The following THSD7A variants were observed in gnomAD, a reference collection of about 807,000 sequenced individuals.
The protein encoded by THSD7A is thrombospondin type-1 domain-containing protein 7A.
Under a neutral mutation model 231.3 loss-of-function variants are expected in THSD7A, and 96 were observed. The observed-to-expected ratio is 0.41, with a 90% CI of 0.35 to 0.49. THSD7A has a LOEUF of 0.49. Ranked by LOEUF, THSD7A falls within the 20% of genes least tolerant of loss-of-function variation. THSD7A has a pLI of 0.05. For synonymous variants in THSD7A, 940 were observed against 743.3 expected, an observed-to-expected ratio of 1.26 and a Z score of -4.30; for missense variants, 2,290 against 2,070.2, an observed-to-expected ratio of 1.11 and a Z score of -2.06.
chr7:11,449,458 T>TCTGGCAAACACA (rs1341328747), intron 11 of THSD7A, among the ~76,000 whole-genome samples: 1 of 152,066 alleles, frequency 6.6e-6, no homozygotes, highest in Non-Finnish European at 1.5e-5. Flanking sequence ...CAGGAAGGGT[T>TCTGGCAAACACA]CTGGCAAACA....
intron 7 of THSD7A, among the ~76,000 whole-genome samples, chr7:11,478,180 T>C (rs1432886065): frequency 2.6e-5 from 4 of 152,226 alleles, no homozygotes; most frequent in African/African-American, 9.6e-5. Context: ...TCTTCATTAC[T>C]CTGCTCATGA....
chr7:11,509,798 G>A (rs62435211), intron 6 of THSD7A, among the ~76,000 whole-genome samples: 3,455 of 56,762 alleles, frequency 0.061, 78 homozygotes, highest in Non-Finnish European at 0.11. Flanking sequence ...CTCCAGCCTG[G>A]GCGACAGAGC....
At chr7:11,399,412 G>C (rs765312820) in intron 23 of THSD7A, among the ~76,000 whole-genome samples, 30 of 151,776 alleles carry the variant, frequency 2.0e-4, no homozygotes, top group Middle Eastern at 3.4e-3. Flanking sequence ...GCCATGAGCT[G>C]GTCTATTTTG....
intron 23 of THSD7A, among the ~76,000 whole-genome samples, chr7:11,383,070 C>T (rs907871550): frequency 2.6e-5 from 4 of 151,784 alleles, no homozygotes; most frequent in African/African-American, 9.7e-5. Flanking sequence ...CCCTGTCTGT[C>T]CAGCAATACA....
At chr7:11,387,517 A>G (rs1174992325) in intron 23 of THSD7A, among the ~76,000 whole-genome samples, 1 of 151,858 alleles carries the variant, frequency 6.6e-6, no homozygotes, top group African/African-American at 2.4e-5. Context: ...TTTTTCTGTT[A>G]TTGGTTTATA....
intron 2 of THSD7A, among the ~76,000 whole-genome samples, chr7:11,615,014 C>T (rs370349495): frequency 6.6e-6 from 1 of 152,302 alleles, no homozygotes; most frequent in East Asian, 1.9e-4. Flanking sequence ...AAGGAGGGAA[C>T]TGATTATGGC....
At chr7:11,666,656 T>C (rs148054530) in intron 1 of THSD7A, among the ~76,000 whole-genome samples, 21 of 142,646 alleles carry the variant, frequency 1.5e-4, no homozygotes, top group African/African-American at 5.7e-4. Flanking sequence ...TACAGTATAC[T>C]GCTTCAGTGA....
intron 1 of THSD7A, among the ~76,000 whole-genome samples, chr7:11,730,302 G>A (rs1421259506): frequency 6.6e-6 from 1 of 151,458 alleles, no homozygotes; most frequent in Non-Finnish European, 1.5e-5. Context: ...TAATATTCTT[G>A]TAATTTACAT....
At chr7:11,803,330 T>A (rs1583303666) in intron 1 of THSD7A, among the ~76,000 whole-genome samples, 1 of 152,134 alleles carries the variant, frequency 6.6e-6, no homozygotes, top group Non-Finnish European at 1.5e-5. Context: ...GTAAGCAAAG[T>A]CACATGTGAT....
intron 7 of THSD7A, among the ~76,000 whole-genome samples, chr7:11,476,739 T>C (rs11765229): frequency 0.41 from 61,857 of 149,266 alleles, 13,047 homozygotes; most frequent in Admixed American, 0.5. Flanking sequence ...CGCTTGAGCC[T>C]GGGAGGTGGA....
intron 7 of THSD7A, among the ~76,000 whole-genome samples, chr7:11,480,842 C>A (rs1042786310): frequency 2.6e-5 from 4 of 152,040 alleles, no homozygotes; most frequent in Admixed American, 2.6e-4. Flanking sequence ...ACACAAAACT[C>A]CCCCCAAATC....
At chr7:11,565,440 T>C (rs1396088925) in intron 4 of THSD7A, among the ~76,000 whole-genome samples, 2 of 152,226 alleles carry the variant, frequency 1.3e-5, no homozygotes, top group Non-Finnish European at 2.9e-5. Flanking sequence ...GATGCTCTGT[T>C]GTCATGCGAA....
chr7:11,567,611 C>A (rs1361766792), intron 4 of THSD7A, among the ~76,000 whole-genome samples: 1 of 152,118 alleles, frequency 6.6e-6, no homozygotes, highest in African/African-American at 2.4e-5. Context: ...TTAAAACTAC[C>A]GATAGCTGGA....
intron 1 of THSD7A, among the ~76,000 whole-genome samples, chr7:11,651,479 TCTATCAA>T (rs1278891757): frequency 5.9e-5 from 8 of 134,750 alleles, no homozygotes; most frequent in African/African-American, 2.3e-4. Flanking sequence ...TATCTATCTA[TCTATCAA>T]CTATCTATCT....
At chr7:11,620,756 G>A (rs2128353174) in intron 2 of THSD7A, among the ~76,000 whole-genome samples, 1 of 152,250 alleles carries the variant, frequency 6.6e-6, no homozygotes, top group East Asian at 1.9e-4. Flanking sequence ...AATTAATCTA[G>A]CACAACCGAA....
chr7:11,732,101 G>A (rs148976461), intron 1 of THSD7A, among the ~76,000 whole-genome samples: 116 of 151,766 alleles, frequency 7.6e-4, no homozygotes, highest in African/African-American at 2.8e-3. Context: ...GTTCCTTACT[G>A]TGTAGATATA....
chr7:11,471,667 T>C (rs1785944604), intron 8 of THSD7A, among the ~76,000 whole-genome samples: 1 of 152,038 alleles, frequency 6.6e-6, no homozygotes, highest in Admixed American at 6.6e-5. Context: ...CGCTGGAATT[T>C]CCCTAATTTC....
Position 11,632,280 on chromosome 7 carries a change from A to C in THSD7A, c.1022+3850T>G, listed in dbSNP as rs958376530. 6.6e-6 allele frequency among the ~76,000 whole-genome samples: 1 copy of C among 152,074 alleles called. No individual in the cohort carries two copies. Among genetic ancestry groups the C allele is most frequent in the African/African-American group, 2.4e-5 (1 of 41,420 alleles). ...CAACTACATCCTTTTCTATTTTTCC[A>C]AGTCTAGTGTTAAGTGCAGAACTTT... On this transcript the variant is annotated intron_variant, in intron 2 of 27. Transcript: ENST00000423059. The surrounding 1 kb of genome is among the most constrained non-coding windows in gnomAD (Gnocchi z 4.1).
Position 11,591,139 on chromosome 7 carries a change from T to G in THSD7A, c.1272-498A>C, listed in dbSNP as rs1475381189. Among the ~76,000 whole-genome samples the G allele has an allele frequency of 2.0e-5, 3 of 146,918 alleles. No homozygotes were observed. In the Admixed American group the frequency reaches 2.2e-4, roughly 11 times the overall value. Reference sequence around the variant, plus strand: ...AAGACAATAAATCAGAGTTTTCTCTTTATTGTCAAGAATAAGATTTTTTTT... The same window carrying G: ...AAGACAATAAATCAGAGTTTTCTCTGTATTGTCAAGAATAAGATTTTTTTT... On this transcript the variant is annotated intron_variant, in intron 3 of 27. Transcript: ENST00000423059.
Sources: gnomAD v4.1 joint callset for allele counts (sites outside exome capture counted in the v4.1 genomes callset) on GRCh38, gnomAD v4.1.1 for gene constraint, Gnocchi (gnomAD v3.1) non-coding constraint, MANE v1.5 for transcripts, NCBI Gene and HGNC (gene_info 2026-07-23, HGNC 2026-07-21) for gene names.